CFAP54: variants seen among roughly 807,000 people sequenced by gnomAD.
CFAP54 encodes the protein cilia- and flagella-associated protein 54.
CFAP54 carries 290 observed loss-of-function variants against 370.4 expected under a neutral mutation model. The observed-to-expected ratio is 0.78, with a 90% CI of 0.71 to 0.86. The LOEUF (loss-of-function observed/expected upper bound fraction) is 0.86. Ranked by LOEUF, CFAP54 falls within the 40% of genes least tolerant of loss-of-function variation. The pLI, the probability that CFAP54 is intolerant of heterozygous loss-of-function variation, is 0.00. For synonymous variants in CFAP54, 1,206 were observed against 1,236.5 expected (o/e 0.98, Z 0.52); for missense variants, 3,399 against 3,528.7 (o/e 0.96, Z 0.93).
intron 49 of CFAP54, among the ~76,000 whole-genome samples, chr12:96,720,010 G>T (rs147916930): frequency 6.6e-6 from 1 of 152,256 alleles, no homozygotes; most frequent in Non-Finnish European, 1.5e-5. Context: ...ATTAAACAAG[G>T]AGGCTGTGTA....
chr12:96,676,146 C>T (rs908961722), intron 39 of CFAP54, among the ~76,000 whole-genome samples: 18 of 152,246 alleles, frequency 1.2e-4, no homozygotes, highest in Non-Finnish European at 2.4e-4. Flanking sequence ...AATGCTTACT[C>T]CATGACAGGC....
At chr12:96,681,031 C>A (rs1047542475) in intron 40 of CFAP54, among the ~76,000 whole-genome samples, 12 of 151,754 alleles carry the variant, frequency 7.9e-5, no homozygotes, top group Admixed American at 7.9e-4. Context: ...TGCAGTGAGC[C>A]GAGATTGTGC....
intron 50 of CFAP54, among the ~76,000 whole-genome samples, chr12:96,725,749 C>G (rs1051891873): frequency 5.9e-5 from 9 of 152,268 alleles, no homozygotes; most frequent in Non-Finnish European, 5.9e-5. Flanking sequence ...TCCCTGTCTT[C>G]TGCCAGTTTT....
Position 96,536,503 on chromosome 12 carries a change from G to T in CFAP54, c.1791+903G>T, listed in dbSNP as rs79334908. The stretch of plus-strand genomic sequence containing the variant: ...AACCTGTGACAGGTATTTAATTTTT[G>T]AAAGAAAGGTGTTTGGCAGTAAATA... On this transcript the variant is annotated intron_variant, in intron 12 of 67. Coordinates refer to ENST00000524981, the MANE Select transcript of CFAP54 (RefSeq NM_001306084.2). Among the ~76,000 whole-genome samples the T allele has an allele frequency of 6.6e-4, 100 of 152,176 alleles. No homozygotes were observed. In the East Asian group the frequency reaches 0.016, roughly 24 times the overall value.
chr12:96,647,193 G>A (rs1461533240), intron 33 of CFAP54: 1 of 151,870 alleles, frequency 6.6e-6, no homozygotes, highest in East Asian at 1.9e-4. Flanking sequence ...AGAAATGAGG[G>A]CTGCGTGCAG....
chr12:96,586,367 A>G (rs1956076241), intron 22 of CFAP54, among the ~76,000 whole-genome samples: 1 of 152,198 alleles, frequency 6.6e-6, no homozygotes. Context: ...TAAACAAGTA[A>G]ATTATCTAGT....
chr12:96,825,263 A>G (rs1404829452), intron 65 of CFAP54, among the ~76,000 whole-genome samples: 2 of 105,422 alleles, frequency 1.9e-5, no homozygotes, highest in African/African-American at 7.6e-5. Context: ...TATATTATAT[A>G]TAATATAACA....
chr12:96,704,342 G>A (rs1044112505), intron 46 of CFAP54, among the ~76,000 whole-genome samples: 1 of 149,862 alleles, frequency 6.7e-6, no homozygotes, highest in African/African-American at 2.4e-5. Context: ...CAGGAGAATG[G>A]TGTGAACCCG....
At chr12:96,765,028 T>A (rs754608669) in intron 59 of CFAP54, 49 bp from the exon 60 acceptor site, 4 of 1,288,734 alleles carry the variant, frequency 3.1e-6, no homozygotes, top group Middle Eastern at 2.7e-4. Context: ...AGATAATCTA[T>A]GAATTAGAAA....
At chr12:96,618,445 C>T (rs1448848451) in intron 26 of CFAP54, among the ~76,000 whole-genome samples, 2 of 152,136 alleles carry the variant, frequency 1.3e-5, no homozygotes, top group Non-Finnish European at 2.9e-5. Flanking sequence ...ATTCGCTTCT[C>T]GTCTCTCAAG....
chr12:96,515,922 T>G (rs1027212674), intron 5 of CFAP54, among the ~76,000 whole-genome samples: 1 of 147,744 alleles, frequency 6.8e-6, no homozygotes, highest in Non-Finnish European at 1.5e-5. Context: ...GTTTTTTTTT[T>G]TTTTTTTTTT....
chr12:96,824,884 T>G (rs150921773), intron 65 of CFAP54, among the ~76,000 whole-genome samples: 3 of 152,196 alleles, frequency 2.0e-5, no homozygotes, highest in Non-Finnish European at 4.4e-5. Context: ...CCAAATTCCT[T>G]ACTTTTACAT....
intron 63 of CFAP54, among the ~76,000 whole-genome samples, chr12:96,809,623 TGTTA>T: frequency 6.6e-6 from 1 of 152,312 alleles, no homozygotes; most frequent in East Asian, 1.9e-4. Flanking sequence ...ATTTCCCTTC[TGTTA>T]GTTTTAGTTT....
chr12:96,714,246 C>T (rs954410526), intron 48 of CFAP54, among the ~76,000 whole-genome samples: 4 of 152,060 alleles, frequency 2.6e-5, no homozygotes, highest in Non-Finnish European at 5.9e-5. Context: ...AAGGTGGAGT[C>T]AAAAAGATTT....
chr12:96,726,981 C>T (rs964742353), intron 50 of CFAP54, among the ~76,000 whole-genome samples: 2 of 152,152 alleles, frequency 1.3e-5, no homozygotes, highest in African/African-American at 2.4e-5. Context: ...TGTAGTTGAG[C>T]GATTTTGAGT....
chr12:96,752,120 G>GAGAGAGAGAGAGAT, intron 55 of CFAP54, among the ~76,000 whole-genome samples: 1 of 150,766 alleles, frequency 6.6e-6, no homozygotes, highest in African/African-American at 2.5e-5. Context: ...GAGAGAGAGA[G>GAGAGAGAGAGAGAT]AGAGAGAGAG....
At chr12:96,847,955 T>A (rs1959405494) in intron 66 of CFAP54, among the ~76,000 whole-genome samples, 1 of 152,276 alleles carries the variant, frequency 6.6e-6, no homozygotes, top group African/African-American at 2.4e-5. Context: ...TCTATTCTTC[T>A]ATTCTTAGAC....
At chr12:96,825,331 C>A (rs1478569507) in intron 65 of CFAP54, among the ~76,000 whole-genome samples, 3 of 117,328 alleles carry the variant, frequency 2.6e-5, no homozygotes, top group African/African-American at 6.9e-5. Flanking sequence ...TATTATATAA[C>A]ATGTTATATA....
chr12:96,835,360 A>G (rs1246346634), intron 66 of CFAP54, among the ~76,000 whole-genome samples: 1 of 151,934 alleles, frequency 6.6e-6, no homozygotes, highest in African/African-American at 2.4e-5. Flanking sequence ...GAGGGAAGGA[A>G]TGCATGCCAG....
Sources: allele counts gnomAD v4.1 joint callset (sites outside exome capture counted in the v4.1 genomes callset), GRCh38; gene constraint gnomAD v4.1.1; transcripts MANE v1.5; gene names NCBI Gene and HGNC (gene_info 2026-07-23, HGNC 2026-07-21).